Variants in FAT4 observed in about 807,000 individuals in gnomAD.
FAT4 encodes the protein protocadherin Fat 4.
A neutral mutation model predicts 303.9 loss-of-function variants in FAT4; 84 were observed. That is an observed-to-expected ratio of 0.28 (90% confidence interval 0.23 to 0.33). The LOEUF (loss-of-function observed/expected upper bound fraction) is 0.33. FAT4 is among the 10% of genes least tolerant of loss of function. The probability of loss-of-function intolerance (pLI) is 1.00; values close to 1 mark genes in which losing one functional copy is unlikely to be tolerated. For missense variants in FAT4, 6,005 were observed against 6,146.8 expected (o/e 0.98, Z 0.77); for synonymous variants, 2,307 against 2,298.8 (o/e 1.00, Z -0.10).
intron 5 of FAT4, among the ~76,000 whole-genome samples, chr4:125,412,872 A>G (rs1478888927): frequency 6.6e-6 from 1 of 151,796 alleles, no homozygotes; most frequent in Admixed American, 6.6e-5. Flanking sequence ...ATGTGTTTTC[A>G]TAACTGCATT....
Position 125,399,057 on chromosome 4 carries a change from A to G in FAT4, c.5307+142A>G. The G allele has an allele frequency of 5.6e-6, 4 of 714,354 alleles. 1 individual carries two copies. In the South Asian group the frequency reaches 1.1e-4, roughly 19 times the overall value. The allele number at this position is 714,354 out of a possible 1,614,324, so 44.3% of individuals were successfully genotyped here. On this transcript the variant is annotated intron_variant, in intron 3 of 17. Transcript: ENST00000394329. ...TTTCCAAAGAACATTAATTCTTGAA[A>G]TGTAACATAAAAATGTTAAAAAAGA...
At chr4:125,454,699 G>T (rs1222906942) in intron 10 of FAT4, among the ~76,000 whole-genome samples, 1 of 152,104 alleles carries the variant, frequency 6.6e-6, no homozygotes, top group African/African-American at 2.4e-5. Context: ...TGGGCGTGGT[G>T]GCAGGTGCCT....
intron 2 of FAT4, among the ~76,000 whole-genome samples, chr4:125,377,322 A>G (rs2125995975): frequency 6.6e-6 from 1 of 151,336 alleles, no homozygotes; most frequent in East Asian, 1.9e-4. Flanking sequence ...TAAAATGAGC[A>G]TTCTTTATCA....
In FAT4 at chr4:125,317,150, C is replaced by A. The variant is rs191329848; in HGVS notation, c.739C>A (p.Pro247Thr). 5.4e-3 allele frequency: 8,724 copies of A among 1,610,432 alleles called. 29 individuals are homozygous for A. Among genetic ancestry groups the A allele is most frequent in the Admixed American group, 7.0e-3 (421 of 59,948 alleles). The change falls in exon 2 of 18, where the codon CCC becomes ACC. Residue 247 changes from proline (P) to threonine (T), a missense_variant. By Grantham distance (38) the Pro-to-Thr change is conservative. Transcript: ENST00000394329. This position sits in a 1 kb window ranked among gnomAD's most constrained non-coding sequence, Gnocchi z 7.0. The stretch of plus-strand genomic sequence containing the variant: ...GACTGTGCAAGACATTAATGACAAC[C>A]CCCCGGTTTTTGGCAGTTCTCACTA... ...NVTVQDINDN[P>T]PVFGSSHYQA...
At chr4:125,479,958 G>A in intron 15 of FAT4, 93 bp downstream of exon 15, 1 of 968,710 alleles carries the variant, frequency 1.0e-6, no homozygotes, top group African/African-American at 1.7e-5. Flanking sequence ...TAAAAATTAT[G>A]CTTTCATTCT....
intron 7 of FAT4, among the ~76,000 whole-genome samples, chr4:125,422,250 A>G (rs1013407391): frequency 6.6e-6 from 1 of 152,216 alleles, no homozygotes; most frequent in Non-Finnish European, 1.5e-5. Flanking sequence ...TATCACTGCC[A>G]ATTATCATTT....
chr4:125,398,255 A>C (rs1249073958), intron 2 of FAT4, among the ~76,000 whole-genome samples: 1 of 152,186 alleles, frequency 6.6e-6, no homozygotes, highest in East Asian at 1.9e-4. Flanking sequence ...GTGGAAATAG[A>C]AAGAAAAGAT....
At chr4:125,466,434 T>C (rs1002132707) in intron 11 of FAT4, among the ~76,000 whole-genome samples, 2 of 151,876 alleles carry the variant, frequency 1.3e-5, no homozygotes, top group African/African-American at 4.8e-5. Flanking sequence ...ATAATACAAA[T>C]TTTTTCAGTA....
At chr4:125,459,800 C>A (rs1023975324) in intron 10 of FAT4, among the ~76,000 whole-genome samples, 21 of 152,058 alleles carry the variant, frequency 1.4e-4, no homozygotes, top group African/African-American at 5.1e-4. Flanking sequence ...CACAGTGCTT[C>A]AACACATCAG....
chr4:125,368,136 G>C (rs1732956647), intron 2 of FAT4, among the ~76,000 whole-genome samples: 1 of 152,106 alleles, frequency 6.6e-6, no homozygotes, highest in Admixed American at 6.6e-5. Context: ...AAAGAATATA[G>C]AGGTTCTTGA....
chr4:125,335,935 G>T (rs1468923217), intron 2 of FAT4, among the ~76,000 whole-genome samples: 1 of 151,952 alleles, frequency 6.6e-6, no homozygotes, highest in Non-Finnish European at 1.5e-5. Flanking sequence ...TTTCCTAAAA[G>T]ACTGTTTGAT....
intron 8 of FAT4, among the ~76,000 whole-genome samples, chr4:125,444,898 A>G (rs1208911466): frequency 6.6e-6 from 1 of 152,112 alleles, no homozygotes; most frequent in Non-Finnish European, 1.5e-5. Flanking sequence ...GTAAAACGTT[A>G]AGGTATTTTG....
At chr4:125,387,053 G>A (rs1057103591) in intron 2 of FAT4, among the ~76,000 whole-genome samples, 6 of 152,098 alleles carry the variant, frequency 3.9e-5, no homozygotes, top group East Asian at 3.9e-4. Context: ...ATCTAATGCC[G>A]CAGCTGATCT....
intron 10 of FAT4, among the ~76,000 whole-genome samples, chr4:125,453,973 ATGTTCC>A (rs1726190973): frequency 6.6e-6 from 1 of 152,200 alleles, no homozygotes; most frequent in Admixed American, 6.5e-5. Context: ...TCAGTGGTTG[ATGTTCC>A]TTCAAATGTG....
chr4:125,431,368 A>T (rs186726687), intron 7 of FAT4, among the ~76,000 whole-genome samples: 38 of 152,286 alleles, frequency 2.5e-4, no homozygotes, highest in African/African-American at 9.1e-4. Flanking sequence ...TAAATGTCTC[A>T]TGTATTTTTA....
intron 7 of FAT4, among the ~76,000 whole-genome samples, chr4:125,423,326 AGG>A (rs1469576375): frequency 1.3e-5 from 2 of 152,136 alleles, no homozygotes; most frequent in African/African-American, 4.8e-5. Context: ...GGGTGGGCCC[AGG>A]GCACCCCTGC....
At chr4:125,441,206 T>C (rs1050206861) in intron 8 of FAT4, among the ~76,000 whole-genome samples, 3 of 152,176 alleles carry the variant, frequency 2.0e-5, no homozygotes, top group African/African-American at 7.2e-5. Context: ...ATAGAAGAGA[T>C]AATTTTGTAA....
intron 16 of FAT4, among the ~76,000 whole-genome samples, chr4:125,483,041 A>T (rs1727284244): frequency 6.6e-6 from 1 of 152,188 alleles, no homozygotes; most frequent in South Asian, 2.1e-4. Flanking sequence ...AATGCTGCTA[A>T]ACAGTAGCAC....
In FAT4 at chr4:125,406,913, A is replaced by G; in HGVS notation, c.5341A>G (p.Ser1781Gly). The change falls in exon 4 of 18, where the codon AGT (serine) becomes GGT (glycine). Residue 1781 changes from serine (S) to glycine (G), a missense_variant. By Grantham distance (56) the Ser-to-Gly change is moderately conservative. Coordinates refer to ENST00000394329, the MANE Select transcript of FAT4 (RefSeq NM_001291303.3). ...TGCTCTCGTCACATACACTATCATT[A>G]GTGGAGCTGATGATAGTTTTCGCAT... Reference protein sequence around the residue: ...ANALVTYTIISGADDSFRIDP... With the variant: ...ANALVTYTIIGGADDSFRIDP... 6.2e-7 allele frequency: 1 copy of G among 1,613,826 alleles called. No homozygotes were observed. Among genetic ancestry groups the G allele is most frequent in the Non-Finnish European group, 8.5e-7 (1 of 1,179,828 alleles).
Sources: gnomAD v4.1 joint callset for allele counts (sites outside exome capture counted in the v4.1 genomes callset) on GRCh38, gnomAD v4.1.1 for gene constraint, Gnocchi (gnomAD v3.1) non-coding constraint, MANE v1.5 for transcripts, NCBI Gene and HGNC (gene_info 2026-07-23, HGNC 2026-07-21) for gene names.